The following TMEM54 variants were observed in gnomAD, a reference collection of about 807,000 sequenced individuals.
The protein encoded by TMEM54 is transmembrane protein 54, also known as beta-casein-like protein.
TMEM54 carries 21 observed loss-of-function variants against 21.3 expected under a neutral mutation model. That is an observed-to-expected ratio of 0.99 (90% CI 0.70 to 1.42). The LOEUF (loss-of-function observed/expected upper bound fraction) is 1.42, where lower values mean the gene tolerates loss of function less well. Among genes scored for constraint, TMEM54 ranks in the 40% most tolerant of loss-of-function variants. TMEM54 has a pLI of 0.00. For missense variants in TMEM54, 246 were observed against 294.0 expected (o/e 0.84, Z 1.19); for synonymous variants, 109 against 125.0 (o/e 0.87, Z 0.86).
intron 1 of TMEM54, among the ~76,000 whole-genome samples, chr1:32,900,389 T>G (rs1309796883): frequency 6.6e-6 from 1 of 152,082 alleles, no homozygotes; most frequent in African/African-American, 2.4e-5. Context: ...AATTTTTTTT[T>G]CTTTATTTAA....
intron 1 of TMEM54, among the ~76,000 whole-genome samples, chr1:32,899,391 G>GAAAAAAAAAAA (rs11284140): frequency 1.6e-5 from 2 of 123,000 alleles, no homozygotes; most frequent in African/African-American, 6.1e-5. Flanking sequence ...CTCTGCAGCT[G>GAAAAAAAAAAA]AAAAAAAAAA....
At chr1:32,894,963 T>A in intron 5 of TMEM54, 84 bp from the exon 6 acceptor site, 1 of 1,557,320 alleles carries the variant, frequency 6.4e-7, no homozygotes, top group East Asian at 2.4e-5. Flanking sequence ...TGGAAGGAGG[T>A]GAGGGCTGGA....
chr1:32,900,933 C>T (rs750102853), intron 1 of TMEM54, among the ~76,000 whole-genome samples: 4 of 152,196 alleles, frequency 2.6e-5, no homozygotes, highest in Non-Finnish European at 4.4e-5. Flanking sequence ...TGCCGCCCAC[C>T]CGGGGGTCCC....
rs773746993 is a variant in TMEM54, at chr1:32,895,333, G to A, written c.566C>T (p.Pro189Leu). 1.2e-6 allele frequency: 2 copies of A among 1,613,396 alleles called. No individual in the cohort carries two copies. Among genetic ancestry groups the A allele is most frequent in the Admixed American group, 1.7e-5 (1 of 59,974 alleles). ...GTGGTGGCTGCTTTTCCCCCACCAG[G>A]GCCTCAGCTCCAGCAGCTGGTGGGT... ...QLTHQLLELR[P>L]WWGKSSHHMM... The change falls in exon 5 of 6, where the codon CCC becomes CTC. Residue 189 changes from proline (P) to leucine (L), a missense_variant. Physicochemically the swap from Pro to Leu is moderately conservative, Grantham distance 98. Coordinates refer to ENST00000373463, the MANE Select transcript of TMEM54 (RefSeq NM_033504.4). The surrounding 1 kb of genome is among the most constrained non-coding windows in gnomAD (Gnocchi z 5.8).
At position 32,896,099 on chromosome 1, in the gene TMEM54, T is replaced by A. The variant is rs186210011; in HGVS notation, c.211-130A>T. 433 of 961,166 alleles carry A rather than the reference T, an allele frequency of 4.5e-4. 1 individual carries two copies. In the African/African-American group the frequency reaches 4.8e-3, roughly 11 times the overall value. The allele number at this position is 961,166 out of a possible 1,614,324, so 59.5% of individuals were successfully genotyped here. A position where few individuals can be genotyped will look rare whatever the true frequency, so the allele number is the denominator to read the frequency against. On this transcript the variant is annotated intron_variant, in intron 2 of 5. Transcript: ENST00000373463. This position sits in a 1 kb window ranked among gnomAD's most constrained non-coding sequence, Gnocchi z 4.1. ...CCTCCAGACTCCCCCACCCCTCACC[T>A]GCTGCTTAGCCTGGGCCTCACATCT...
intron 1 of TMEM54, among the ~76,000 whole-genome samples, chr1:32,899,149 C>G (rs1048096205): frequency 2.0e-5 from 3 of 152,148 alleles, no homozygotes; most frequent in African/African-American, 7.2e-5. Flanking sequence ...GACCTGCTGT[C>G]TGAAATCTGC....
At position 32,896,800 on chromosome 1, in the gene TMEM54, A is replaced by G. The variant is rs1290248422; in HGVS notation, c.211-831T>C. ...TGGGTTCCAGGCCTAGCATGTCTTT[A>G]GTTCACATGAGAGCCACAACAGAGT... On this transcript the variant is annotated intron_variant, in intron 2 of 5. Transcript: ENST00000373463. The surrounding 1 kb of genome is among the most constrained non-coding windows in gnomAD (Gnocchi z 4.1). Among the ~76,000 whole-genome samples, 1 of 152,178 alleles carries G rather than the reference A, an allele frequency of 6.6e-6. No individual in the cohort carries two copies. Among genetic ancestry groups the G allele is most frequent in the Admixed American group, 6.5e-5 (1 of 15,280 alleles).
At position 32,898,188 on chromosome 1, in the gene TMEM54, G is replaced by A; in HGVS notation, c.148C>T (p.Gln50Ter). 1.2e-6 allele frequency: 2 copies of A among 1,612,926 alleles called. No homozygotes were observed. The highest frequency in any genetic ancestry group is 1.7e-6 in the Non-Finnish European group (2 of 1,178,988). ...GTVLRYVGTPQDAVALQYCVV... is the reference protein window; with the variant it reads ...GTVLRYVGTP The stretch of plus-strand genomic sequence containing the variant: ...CAGTACTGCAGAGCCACCGCATCTT[G>A]AGGGGTGCCCACGTAGCGCAGCACT... The change falls in exon 2 of 6, where the codon CAA becomes TAA. Residue 50 changes from glutamine to a stop codon, truncating the protein, a stop_gained. Coordinates refer to ENST00000373463, the MANE Select transcript of TMEM54 (RefSeq NM_033504.4). LOFTEE classifies it high-confidence loss of function.
At position 32,896,534 on chromosome 1, in the gene TMEM54, A is replaced by C. The variant is rs1196866448; in HGVS notation, c.211-565T>G. Among the ~76,000 whole-genome samples, 1 of 152,172 alleles carries C rather than the reference A, an allele frequency of 6.6e-6. No homozygotes were observed. The highest frequency in any genetic ancestry group is 1.5e-5 in the Non-Finnish European group (1 of 68,034). ...TGCCCATACACAGCCTGCTCAGGACACTGCCCATGCACCCTCTCACCTTCC... is the reference window on the plus strand; with the variant it reads ...TGCCCATACACAGCCTGCTCAGGACCCTGCCCATGCACCCTCTCACCTTCC... On this transcript the variant is annotated intron_variant, in intron 2 of 5. Transcript: ENST00000373463. This position sits in a 1 kb window ranked among gnomAD's most constrained non-coding sequence, Gnocchi z 4.1.
In TMEM54 at chr1:32,894,690, T is replaced by A; in HGVS notation, c.*115A>T. The A allele has an allele frequency of 2.1e-6, 3 of 1,435,966 alleles. No individual in the cohort carries two copies. The highest frequency in any genetic ancestry group is 1.9e-6 in the Non-Finnish European group (2 of 1,053,232). The allele number at this position is 1,435,966 out of a possible 1,614,324, so 89.0% of individuals were successfully genotyped here. On this transcript the variant is annotated 3_prime_UTR_variant, in exon 6 of 6. Coordinates refer to ENST00000373463, the MANE Select transcript of TMEM54 (RefSeq NM_033504.4). ...GAGAGGGTTGAAAGCCCCACTTGGG[T>A]CCCCGAGGGTCCATTGAGCCCTCTC... is the stretch of plus-strand genomic sequence containing the variant.
rs954947251 is a variant in TMEM54, at chr1:32,896,194, C to T, written c.211-225G>A. 4 of 498,668 alleles carry T rather than the reference C, an allele frequency of 8.0e-6. No individual in the cohort carries two copies. The highest frequency in any genetic ancestry group is 5.8e-5 in the African/African-American group (3 of 51,406). The allele number at this position is 498,668 out of a possible 1,614,324, so 30.9% of individuals were successfully genotyped here. Reference sequence around the variant, plus strand: ...CAGTCACTCCCTCTCTACAACCTTCCATGAGTCCCCACTCCTAAGCCTGTG... The same window carrying T: ...CAGTCACTCCCTCTCTACAACCTTCTATGAGTCCCCACTCCTAAGCCTGTG... On this transcript the variant is annotated intron_variant, in intron 2 of 5. Coordinates refer to ENST00000373463, the MANE Select transcript of TMEM54 (RefSeq NM_033504.4). The surrounding 1 kb of genome is among the most constrained non-coding windows in gnomAD (Gnocchi z 4.1).
chr1:32,895,856 T>G lies in TMEM54; in HGVS notation c.270+54A>C, dbSNP rs1570033589. 1 of 1,583,476 alleles carries G rather than the reference T, an allele frequency of 6.3e-7. No homozygotes were observed. The highest frequency in any genetic ancestry group is 8.6e-7 in the Non-Finnish European group (1 of 1,165,328). ...CCAAGGAGGCCAGGCCCTTGGCGGG[T>G]GGCTGCTGCCCCTACCCTTCCCTCA... On this transcript the variant is annotated intron_variant, in intron 3 of 5. Coordinates refer to ENST00000373463, the MANE Select transcript of TMEM54 (RefSeq NM_033504.4). The surrounding 1 kb of genome is among the most constrained non-coding windows in gnomAD (Gnocchi z 5.8).
Position 32,894,642 on chromosome 1 carries a change from G to T in TMEM54, c.*163C>A. Reference sequence around the variant, plus strand: ...AATTTCAGAATAAAGTCTCATTTCAGTGCAGTGGGCTGGGTGGTGGGGGAG... The same window carrying T: ...AATTTCAGAATAAAGTCTCATTTCATTGCAGTGGGCTGGGTGGTGGGGGAG... On this transcript the variant is annotated 3_prime_UTR_variant, in exon 6 of 6. Coordinates refer to ENST00000373463, the MANE Select transcript of TMEM54 (RefSeq NM_033504.4). 1.2e-6 allele frequency: 1 copy of T among 830,068 alleles called. No homozygotes were observed. The highest frequency in any genetic ancestry group is 1.9e-6 in the Non-Finnish European group (1 of 536,312). The allele number at this position is 830,068 out of a possible 1,614,324, so 51.4% of individuals were successfully genotyped here. A position where few individuals can be genotyped will look rare whatever the true frequency, so the allele number is the denominator to read the frequency against.
Position 32,895,642 on chromosome 1 carries a change from G to C in TMEM54, c.372C>G (p.Gly124=). The change falls in exon 4 of 6, where the codon GGC becomes GGG. Residue 124 remains glycine (G), a synonymous_variant. Coordinates refer to ENST00000373463, the MANE Select transcript of TMEM54 (RefSeq NM_033504.4). The surrounding 1 kb of genome is among the most constrained non-coding windows in gnomAD (Gnocchi z 5.8). ...ASIAMTFATQ[G]KALLAACTFG... is the part of the protein sequence containing the mutation. ...AAGTGCAGGCAGCCAGCAGTGCCTT[G>C]CCCTGGGTGGCAAAGGTCATGGCGA... 1.3e-6 allele frequency: 2 copies of C among 1,564,872 alleles called. No homozygotes were observed. The highest frequency in any genetic ancestry group is 2.4e-5 in the South Asian group (2 of 85,036).
chr1:32,899,139 G>C (rs958599165), intron 1 of TMEM54, among the ~76,000 whole-genome samples: 2 of 152,076 alleles, frequency 1.3e-5, no homozygotes, highest in Non-Finnish European at 2.9e-5. Context: ...GCCGGCTCCC[G>C]ACCTGCTGTC....
intron 1 of TMEM54, among the ~76,000 whole-genome samples, chr1:32,900,826 T>G (rs1276580061): frequency 6.6e-6 from 1 of 151,288 alleles, no homozygotes; most frequent in East Asian, 1.9e-4. Context: ...GAGTGGAGAG[T>G]ATGTAAGTGG....
chr1:32,899,392 A>G (rs1321436042), intron 1 of TMEM54, among the ~76,000 whole-genome samples: 1 of 12,446 alleles, frequency 8.0e-5, no homozygotes, highest in Non-Finnish European at 2.3e-4. Flanking sequence ...TCTGCAGCTG[A>G]AAAAAAAAAA....
rs1641609211 is a variant in TMEM54, at chr1:32,896,724, T to G, written c.211-755A>C. ...CAGCCTTCCTCCTGATGTTCCTCAC[T>G]GGACCAGGCTTGGGCCGGACCCATC... On this transcript the variant is annotated intron_variant, in intron 2 of 5. Coordinates refer to ENST00000373463, the MANE Select transcript of TMEM54 (RefSeq NM_033504.4). The surrounding 1 kb of genome is among the most constrained non-coding windows in gnomAD (Gnocchi z 4.1). 6.6e-6 allele frequency among the ~76,000 whole-genome samples: 1 copy of G among 152,242 alleles called. No homozygotes were observed. Among genetic ancestry groups the G allele is most frequent in the African/African-American group, 2.4e-5 (1 of 41,474 alleles).
Position 32,895,668 on chromosome 1 carries a change from T to A in TMEM54, c.346A>T (p.Ile116Phe), listed in dbSNP as rs762949555. 6.4e-7 allele frequency: 1 copy of A among 1,563,104 alleles called. No homozygotes were observed. The highest frequency in any genetic ancestry group is 2.4e-5 in the East Asian group (1 of 42,300). Reference protein sequence around the residue: ...LTCALGLLASIAMTFATQGKA... With the variant: ...LTCALGLLASFAMTFATQGKA... Reference sequence around the variant, plus strand: ...CCCTGGGTGGCAAAGGTCATGGCGATGGAGGCCAAGAGGCCGAGGGCACAG... The same window carrying A: ...CCCTGGGTGGCAAAGGTCATGGCGAAGGAGGCCAAGAGGCCGAGGGCACAG... Residue 116 changes from isoleucine (I) to phenylalanine (F), a missense_variant, in exon 4 of 6, where the codon ATC (isoleucine) becomes TTC (phenylalanine). Coordinates refer to ENST00000373463, the MANE Select transcript of TMEM54 (RefSeq NM_033504.4). The surrounding 1 kb of genome is among the most constrained non-coding windows in gnomAD (Gnocchi z 5.8).
Sources: gnomAD v4.1 joint callset for allele counts (sites outside exome capture counted in the v4.1 genomes callset) on GRCh38, gnomAD v4.1.1 for gene constraint, Gnocchi (gnomAD v3.1) non-coding constraint, MANE v1.5 for transcripts, NCBI Gene and HGNC (gene_info 2026-07-23, HGNC 2026-07-21) for gene names.